CMPK2: variants seen among roughly 807,000 people sequenced by gnomAD.
CMPK2 encodes cytidine/uridine monophosphate kinase 2.
CMPK2 carries 32 observed loss-of-function variants against 33.4 expected under a neutral mutation model. That is an observed-to-expected ratio of 0.96 (90% CI 0.72 to 1.29). CMPK2 has a LOEUF of 1.29. Ranked by LOEUF, CMPK2 falls within the 50% of genes most tolerant of loss-of-function variation. The pLI is 0.00. For synonymous variants in CMPK2, 299 were observed against 275.3 expected, an observed-to-expected ratio of 1.09 and a Z score of -0.85; for missense variants, 672 against 616.0, an observed-to-expected ratio of 1.09 and a Z score of -0.96.
intron 3 of CMPK2, among the ~76,000 whole-genome samples, chr2:6,853,032 C>G (rs1398577766): frequency 6.6e-6 from 1 of 152,184 alleles, no homozygotes. Flanking sequence ...TCACTGCAAC[C>G]TTTGCTTCCC....
exon 4 of CMPK2, chr2:6,840,570 T>A (rs1437431540): frequency 1.4e-6 from 1 of 702,198 alleles, no homozygotes; most frequent in Non-Finnish European, 2.6e-6. Context: ...ATGTCAGGGG[T>A]CATTCCAGGC....
At position 6,865,120 on chromosome 2, in the gene CMPK2, C is replaced by A; in HGVS notation, c.577G>T (p.Val193Leu). The change falls in exon 1 of 5, where the codon GTG (valine) becomes TTG (leucine). Residue 193 changes from valine to leucine, a missense_variant. Val to Leu is a conservative substitution (Grantham distance 32). Coordinates refer to ENST00000256722, the MANE Select transcript of CMPK2 (RefSeq NM_207315.4). Reference protein sequence around the residue: ...RRLQVGCAQVVPVPEPPLHPV... With the variant: ...RRLQVGCAQVLPVPEPPLHPV... Reference sequence around the variant, plus strand: ...TGCAGCGGGGGCTCCGGGACGGGCACGACCTGTGCGCAGCCCACCTGCAGC... The same window carrying A: ...TGCAGCGGGGGCTCCGGGACGGGCAAGACCTGTGCGCAGCCCACCTGCAGC... The A allele has an allele frequency of 6.6e-7, 1 of 1,515,422 alleles. No homozygotes were observed. The highest frequency in any genetic ancestry group is 8.8e-7 in the Non-Finnish European group (1 of 1,131,796). The allele number at this position is 1,515,422 out of a possible 1,614,324, so 93.9% of individuals were successfully genotyped here. A position where few individuals can be genotyped will look rare whatever the true frequency, so the allele number is the denominator to read the frequency against.
At chr2:6,847,034 G>C (rs1266977632), downstream of CMPK2, among the ~76,000 whole-genome samples, 1 of 152,178 alleles carries the variant, frequency 6.6e-6, no homozygotes, top group Non-Finnish European at 1.5e-5. Flanking sequence ...AGCGAAAAAA[G>C]AAAGCTCTCT....
At chr2:6,847,624 C>T (rs545125601), downstream of CMPK2, among the ~76,000 whole-genome samples, 55 of 152,250 alleles carry the variant, frequency 3.6e-4, 3 homozygotes, top group South Asian at 0.011. Context: ...CTCTGGGGAC[C>T]CTTCCCTTGC....
At chr2:6,843,215 G>T (rs1451938003) in intron 3 of CMPK2, among the ~76,000 whole-genome samples, 1 of 152,172 alleles carries the variant, frequency 6.6e-6, no homozygotes, top group Non-Finnish European at 1.5e-5. Context: ...ATAGCATGCA[G>T]AAAAAGACTT....
At chr2:6,863,082 G>A (rs959044154) in intron 2 of CMPK2, among the ~76,000 whole-genome samples, 1 of 152,080 alleles carries the variant, frequency 6.6e-6, no homozygotes, top group Non-Finnish European at 1.5e-5. Context: ...TCAAGCCCCT[G>A]CACCTTTGCC....
intron 4 of CMPK2, chr2:6,851,193 G>A (rs769654491): frequency 1.5e-4 from 193 of 1,291,390 alleles, no homozygotes; most frequent in Non-Finnish European, 1.9e-4. Flanking sequence ...TTACCCAGGT[G>A]CAGCTGCTCC....
At chr2:6,842,950 T>A (rs1662268360) in intron 3 of CMPK2, among the ~76,000 whole-genome samples, 1 of 152,192 alleles carries the variant, frequency 6.6e-6, no homozygotes. Flanking sequence ...AAATTTTATA[T>A]CCACTACCTG....
Position 6,865,787 on chromosome 2 carries a change from C to G in CMPK2, c.-91G>C. 1.6e-6 allele frequency: 2 copies of G among 1,259,732 alleles called. No homozygotes were observed. The highest frequency in any genetic ancestry group is 2.0e-6 in the Non-Finnish European group (2 of 1,001,826). 78.0% of individuals were successfully genotyped at this position (1,259,732 alleles called of 1,614,324 possible). A position where few individuals can be genotyped will look rare whatever the true frequency, so the allele number is the denominator to read the frequency against. Reference sequence around the variant, plus strand: ...GGCGGGAAACGAAACCCGGAGGGAGCCAGGCGCCAGCGGGAAACGAAAGCG... The same window carrying G: ...GGCGGGAAACGAAACCCGGAGGGAGGCAGGCGCCAGCGGGAAACGAAAGCG... On this transcript the variant is annotated 5_prime_UTR_variant, in exon 1 of 5. Coordinates refer to ENST00000256722, the MANE Select transcript of CMPK2 (RefSeq NM_207315.4).
At chr2:6,843,790 A>G (rs776244349), downstream of CMPK2, among the ~76,000 whole-genome samples, 3 of 152,188 alleles carry the variant, frequency 2.0e-5, no homozygotes, top group African/African-American at 4.8e-5. Context: ...CTTTCCTTAG[A>G]CATTCACCAT....
chr2:6,844,873 G>A (rs1226302442), downstream of CMPK2, among the ~76,000 whole-genome samples: 1 of 152,204 alleles, frequency 6.6e-6, no homozygotes, highest in South Asian at 2.1e-4. Context: ...GGTCATCAGA[G>A]AACCTGTCCA....
At chr2:6,851,802 G>A in intron 3 of CMPK2, 119 bp from the exon 4 acceptor site, 1 of 724,038 alleles carries the variant, frequency 1.4e-6, no homozygotes, top group Non-Finnish European at 2.2e-6. Flanking sequence ...TTCTAGTATT[G>A]CATAAGTTAA....
chr2:6,865,423 C>T lies in CMPK2; in HGVS notation c.274G>A (p.Ala92Thr). ...DAGCGARVRA[A>T]RLHQRLLHQL... ...TGCAGCAGGCGCTGGTGCAGCCGCG[C>T]CGCCCGGACCCGGGCCCCGCAGCCG... Residue 92 changes from alanine to threonine, a missense_variant, in exon 1 of 5, where the codon GCG becomes ACG. Physicochemically the swap from Ala to Thr is moderately conservative, Grantham distance 58. Coordinates refer to ENST00000256722, the MANE Select transcript of CMPK2 (RefSeq NM_207315.4). 1 of 1,304,056 alleles carries T rather than the reference C, an allele frequency of 7.7e-7. No homozygotes were observed. The highest frequency in any genetic ancestry group is 9.7e-7 in the Non-Finnish European group (1 of 1,032,402). 80.8% of individuals were successfully genotyped at this position (1,304,056 alleles called of 1,614,324 possible). A position where few individuals can be genotyped will look rare whatever the true frequency, so the allele number is the denominator to read the frequency against.
In CMPK2 at chr2:6,851,580, G is replaced by A; in HGVS notation, c.1096C>T (p.Leu366=). The A allele has an allele frequency of 6.2e-7, 1 of 1,614,236 alleles. No individual in the cohort carries two copies. The highest frequency in any genetic ancestry group is 8.5e-7 in the Non-Finnish European group (1 of 1,180,048). Residue 366 remains leucine (L), a synonymous_variant, in exon 4 of 5, where the codon CTG becomes TTG. Transcript: ENST00000256722. ...AGCAGGATAAGGTCAGGTTTGAGCA[G>A]GTCCTCTGGCCACTGGTACACAGGG... ...HHPVYQWPED[L]LKPDLILLLT... is the part of the protein sequence containing the mutation.
At chr2:6,860,243 G>A (rs191049237) in intron 3 of CMPK2, among the ~76,000 whole-genome samples, 28 of 152,276 alleles carry the variant, frequency 1.8e-4, no homozygotes, top group Admixed American at 1.6e-3. Flanking sequence ...TGTCTCAGAT[G>A]AGACTTTGGC....
At position 6,863,466 on chromosome 2, in the gene CMPK2, G is replaced by A. The variant is rs953390907; in HGVS notation, c.788C>T (p.Thr263Met). The stretch of plus-strand genomic sequence containing the variant: ...ACTAAAAGGTAATATTATCTTACCC[G>A]TGGCATCCAGTCCTTCGATGGCAAC... The part of the protein sequence containing the change: ...QVVAIEGLDA[T>M]GKTTVTQSVA... The change falls in exon 2 of 5, where the codon ACG becomes ATG. Residue 263 changes from threonine to methionine, a missense_variant and splice_region_variant. Transcript: ENST00000256722. 1.6e-5 allele frequency: 26 copies of A among 1,611,996 alleles called. No individual in the cohort carries two copies. The highest frequency in any genetic ancestry group is 4.0e-5 in the African/African-American group (3 of 74,860).
At chr2:6,852,743 A>C (rs533002251) in intron 3 of CMPK2, among the ~76,000 whole-genome samples, 1 of 152,318 alleles carries the variant, frequency 6.6e-6, no homozygotes, top group African/African-American at 2.4e-5. Flanking sequence ...TAAATGAATA[A>C]ATGAATTAGA....
downstream of CMPK2, among the ~76,000 whole-genome samples, chr2:6,845,672 T>C (rs1268287976): frequency 6.6e-6 from 1 of 152,160 alleles, no homozygotes; most frequent in Admixed American, 6.5e-5. Context: ...CTAGGAGAGA[T>C]TCTGTAGTAG....
chr2:6,846,454 A>T (rs945369207), downstream of CMPK2, among the ~76,000 whole-genome samples: 1 of 152,244 alleles, frequency 6.6e-6, no homozygotes, highest in Non-Finnish European at 1.5e-5. Context: ...TCACAAAAAC[A>T]ACAACTCTTT....
Sources: allele counts gnomAD v4.1 joint callset (sites outside exome capture counted in the v4.1 genomes callset), GRCh38; gene constraint gnomAD v4.1.1; transcripts MANE v1.5; gene names NCBI Gene and HGNC (gene_info 2026-07-23, HGNC 2026-07-21).